Variants in DCSTAMP observed in about 807,000 individuals in gnomAD.
DCSTAMP encodes dendrocyte expressed seven transmembrane protein, also known as dendritic cell-specific transmembrane protein.
Under a neutral mutation model 33.8 loss-of-function variants are expected in DCSTAMP, and 25 were observed. That is an observed-to-expected ratio of 0.74 (90% CI 0.54 to 1.03). DCSTAMP has a LOEUF of 1.03. DCSTAMP is among the 50% of genes least tolerant of loss of function. DCSTAMP has a pLI of 0.00. For missense variants in DCSTAMP, 531 were observed against 556.8 expected, an observed-to-expected ratio of 0.95 and a Z score of 0.47; for synonymous variants, 245 against 216.7, an observed-to-expected ratio of 1.13 and a Z score of -1.15.
At chr8:104,346,364 C>T (rs1237800277) in intron 1 of DCSTAMP, among the ~76,000 whole-genome samples, 2 of 152,232 alleles carry the variant, frequency 1.3e-5, no homozygotes, top group Admixed American at 1.3e-4. Flanking sequence ...CACCTGCCCG[C>T]AGTCCTCCTG....
At chr8:104,347,091 T>TCATA (rs1554686601) in intron 1 of DCSTAMP, among the ~76,000 whole-genome samples, 10 of 152,238 alleles carry the variant, frequency 6.6e-5, no homozygotes, top group Admixed American at 2.6e-4. Flanking sequence ...CAAATTTATT[T>TCATA]TATATATATA....
rs748298141 is a variant in DCSTAMP, at chr8:104,349,226, T to C, written c.674T>C (p.Leu225Pro). The change falls in exon 2 of 4, where the codon CTT (leucine) becomes CCT (proline). Residue 225 changes from leucine to proline, a missense_variant. Coordinates refer to ENST00000297581, the MANE Select transcript of DCSTAMP (RefSeq NM_030788.4). ...TTTGCAGGGCTTTCGCTCGTCCTGC[T>C]TGGCACTGGCCTCTTCATGAAGCGA... is the stretch of plus-strand genomic sequence containing the variant. ...LAFAGLSLVL[L>P]GTGLFMKRFL... 6.2e-7 allele frequency: 1 copy of C among 1,614,230 alleles called. No individual in the cohort carries two copies. The highest frequency in any genetic ancestry group is 8.5e-7 in the Non-Finnish European group (1 of 1,180,044).
chr8:104,347,346 C>A (rs1810341105), intron 1 of DCSTAMP, among the ~76,000 whole-genome samples: 3 of 152,232 alleles, frequency 2.0e-5, no homozygotes, highest in Admixed American at 6.5e-5. Context: ...AGCAGAGACA[C>A]AATGGCCTCA....
At chr8:104,343,063 T>C (rs2099383221) in intron 1 of DCSTAMP, among the ~76,000 whole-genome samples, 2 of 152,150 alleles carry the variant, frequency 1.3e-5, no homozygotes, top group South Asian at 4.1e-4. Flanking sequence ...GAATCTGCAT[T>C]TCAGGATTCT....
At chr8:104,342,824 G>T (rs931354879) in intron 1 of DCSTAMP, among the ~76,000 whole-genome samples, 2 of 152,216 alleles carry the variant, frequency 1.3e-5, no homozygotes, top group African/African-American at 4.8e-5. Context: ...ATGGGCCTGC[G>T]TCCGGGGTGC....
intron 1 of DCSTAMP, among the ~76,000 whole-genome samples, chr8:104,340,943 C>T (rs886681172): frequency 6.6e-6 from 1 of 152,192 alleles, no homozygotes; most frequent in African/African-American, 2.4e-5. Flanking sequence ...TGTCTGCAGA[C>T]TATATCTGGG....
chr8:104,351,531 C>T (rs1005373576), intron 2 of DCSTAMP, among the ~76,000 whole-genome samples: 15 of 152,214 alleles, frequency 9.9e-5, no homozygotes, highest in African/African-American at 2.9e-4. Context: ...GAAAGACTAT[C>T]GCATAGGCAG....
chr8:104,344,377 A>T (rs969764888), intron 1 of DCSTAMP, among the ~76,000 whole-genome samples: 1 of 152,190 alleles, frequency 6.6e-6, no homozygotes, highest in African/African-American at 2.4e-5. Flanking sequence ...GTAAAATTTA[A>T]AATTCAATTT....
intron 1 of DCSTAMP, among the ~76,000 whole-genome samples, chr8:104,345,613 T>A (rs1237071367): frequency 1.3e-5 from 2 of 152,202 alleles, no homozygotes; most frequent in African/African-American, 4.8e-5. Flanking sequence ...AACGTTAAAA[T>A]GTTAATGTGT....
chr8:104,353,293 T>G (rs1448187326), intron 2 of DCSTAMP, among the ~76,000 whole-genome samples: 1 of 152,216 alleles, frequency 6.6e-6, no homozygotes, highest in Non-Finnish European at 1.5e-5. Flanking sequence ...TGCCATTTAG[T>G]ATACTGCTCA....
chr8:104,354,805 G>A (rs1182508877), intron 2 of DCSTAMP, 72 bp from the exon 3 acceptor site: 7 of 979,976 alleles, frequency 7.1e-6, no homozygotes, highest in East Asian at 2.4e-5. Context: ...GTGCTGCAGG[G>A]AAGTACTGAG....
At chr8:104,344,663 G>A (rs1420416320) in intron 1 of DCSTAMP, among the ~76,000 whole-genome samples, 1 of 152,166 alleles carries the variant, frequency 6.6e-6, no homozygotes. Context: ...TCAAGTCTAA[G>A]AAGCTCTGAG....
chr8:104,349,870 G>C (rs183163018), intron 2 of DCSTAMP, among the ~76,000 whole-genome samples: 107 of 152,292 alleles, frequency 7.0e-4, no homozygotes, highest in Non-Finnish European at 1.1e-3. Context: ...GTTCTGGGGG[G>C]AGAAGTATGA....
chr8:104,356,072 T>C, intron 3 of DCSTAMP, 52 bp from the exon 4 acceptor site: 3 of 1,545,080 alleles, frequency 1.9e-6, no homozygotes, highest in Non-Finnish European at 2.6e-6. Context: ...TCAGAGGCAT[T>C]TAAAATGACT....
intron 1 of DCSTAMP, among the ~76,000 whole-genome samples, chr8:104,343,980 T>C (rs181162920): frequency 5.4e-4 from 82 of 152,326 alleles, no homozygotes; most frequent in African/African-American, 1.8e-3. Flanking sequence ...AACAGGTACA[T>C]AGGAAATTTT....
At chr8:104,347,863 A>T (rs1461921358) in intron 1 of DCSTAMP, among the ~76,000 whole-genome samples, 1 of 152,168 alleles carries the variant, frequency 6.6e-6, no homozygotes, top group Non-Finnish European at 1.5e-5. Context: ...GTGTCTTGAG[A>T]TGGGGAGATT....
chr8:104,341,953 C>T (rs906732897), intron 1 of DCSTAMP, among the ~76,000 whole-genome samples: 1 of 151,958 alleles, frequency 6.6e-6, no homozygotes, highest in African/African-American at 2.4e-5. Context: ...CATGTTGAGT[C>T]AGGAATAGAC....
chr8:104,340,340 A>C (rs1321321343), intron 1 of DCSTAMP: 1 of 152,262 alleles, frequency 6.6e-6, no homozygotes, highest in Non-Finnish European at 1.5e-5. Context: ...AGAACAATGA[A>C]AACAAAGTCA....
rs765642026 is a variant in DCSTAMP at position 104,348,724 on chromosome 8, A to G, written c.172A>G (p.Ile58Val). 6.2e-6 allele frequency: 10 copies of G among 1,613,920 alleles called. No homozygotes were observed. In the East Asian group the frequency reaches 1.6e-4, roughly 25 times the overall value. Residue 58 changes from isoleucine (I) to valine (V), a missense_variant, in exon 2 of 4, where the codon ATC becomes GTC. By Grantham distance (29) the Ile-to-Val change is conservative. Transcript: ENST00000297581. ...GGCCGCCTGCTGGTTTCTGCCATCA[A>G]TCATAGCGGCCGCTGCCTCCTGGAT... is the stretch of plus-strand genomic sequence containing the variant. ...SVAACWFLPS[I>V]IAAAASWIIT...
Sources: allele counts gnomAD v4.1 joint callset (sites outside exome capture counted in the v4.1 genomes callset), GRCh38; gene constraint gnomAD v4.1.1; transcripts MANE v1.5; gene names NCBI Gene and HGNC (gene_info 2026-07-23, HGNC 2026-07-21).